SPATA31H1: variants seen among roughly 807,000 people sequenced by gnomAD.
SPATA31H1 encodes SPATA31 subfamily H member 1.
chr2:27,541,331 C>A, the SPATA31H1 span, among the ~76,000 whole-genome samples: 52 of 151,290 alleles, frequency 3.4e-4, no homozygotes, highest in Non-Finnish European at 6.2e-4. Context: ...CTGCAGTGAG[C>A]CGAGATGGCA....
chr2:27,576,462 T>C, the SPATA31H1 span: 30 of 786,474 alleles, frequency 3.8e-5, no homozygotes, highest in Middle Eastern at 3.3e-4. Flanking sequence ...GTCAACTCTA[T>C]GGCCACAACC....
At chr2:27,553,913 ACT>A in the SPATA31H1 span, among the ~76,000 whole-genome samples, 1 of 151,574 alleles carries the variant, frequency 6.6e-6, no homozygotes, top group Non-Finnish European at 1.5e-5. Flanking sequence ...CAAGAAAAAA[ACT>A]CTGTCTCAAA....
the SPATA31H1 span, among the ~76,000 whole-genome samples, chr2:27,544,651 C>T: frequency 6.6e-6 from 1 of 151,058 alleles, no homozygotes; most frequent in East Asian, 2.0e-4. Context: ...TCTCTTGGCT[C>T]AGCCTACCAA....
At chr2:27,538,706 C>T in the SPATA31H1 span, among the ~76,000 whole-genome samples, 1 of 152,190 alleles carries the variant, frequency 6.6e-6, no homozygotes, top group Admixed American at 6.5e-5. Context: ...TGGCGTGCAC[C>T]TGTAGTCTTA....
the SPATA31H1 span, among the ~76,000 whole-genome samples, chr2:27,550,539 C>A: frequency 6.7e-6 from 1 of 149,710 alleles, no homozygotes; most frequent in Non-Finnish European, 1.5e-5. Context: ...GTGCCTCAGT[C>A]TCCTGAGTAG....
the SPATA31H1 span, chr2:27,582,312 G>C: frequency 1.9e-6 from 3 of 1,614,160 alleles, no homozygotes; most frequent in Non-Finnish European, 2.5e-6. Context: ...CAGTCCCTCT[G>C]AGATGAGGCC....
the SPATA31H1 span, chr2:27,568,086 G>A: frequency 5.8e-5 from 23 of 398,882 alleles, no homozygotes; most frequent in Non-Finnish European, 7.5e-5. Flanking sequence ...TCAAGTCACA[G>A]ATAATAAGAA....
the SPATA31H1 span, among the ~76,000 whole-genome samples, chr2:27,539,101 C>CT: frequency 2.6e-3 from 245 of 94,520 alleles, no homozygotes; most frequent in East Asian, 6.6e-3. Flanking sequence ...TCATCATTTT[C>CT]TTTTTTTTTT....
the SPATA31H1 span, among the ~76,000 whole-genome samples, chr2:27,562,886 C>CAA: frequency 9.7e-5 from 12 of 123,914 alleles, no homozygotes; most frequent in Middle Eastern, 4.2e-3. Flanking sequence ...GATTCTGTCT[C>CAA]AAAAAAAAAA....
the SPATA31H1 span, chr2:27,571,486 C>G: frequency 2.5e-6 from 1 of 398,400 alleles, no homozygotes; most frequent in Non-Finnish European, 4.4e-6. Flanking sequence ...ACTCCATGTT[C>G]AAGAATTCAA....
chr2:27,540,001 T>C, the SPATA31H1 span, among the ~76,000 whole-genome samples: 8 of 121,634 alleles, frequency 6.6e-5, no homozygotes, highest in South Asian at 2.9e-4. Context: ...ACTGGGCGGC[T>C]GGCCGGGCGG....
chr2:27,539,518 A>G, the SPATA31H1 span, among the ~76,000 whole-genome samples: 24 of 120,556 alleles, frequency 2.0e-4, no homozygotes, highest in Non-Finnish European at 1.2e-4. Flanking sequence ...GTCTACTTCT[A>G]TCCACACAGA....
At chr2:27,580,984 T>A in the SPATA31H1 span, 12 of 1,613,970 alleles carry the variant, frequency 7.4e-6, no homozygotes, top group African/African-American at 1.3e-5. Flanking sequence ...ACTGCCTCAG[T>A]GGGGCAGCCT....
chr2:27,548,416 T>C, the SPATA31H1 span, among the ~76,000 whole-genome samples: 1 of 151,606 alleles, frequency 6.6e-6, no homozygotes, highest in African/African-American at 2.4e-5. Context: ...GAGATCAGCC[T>C]GGGCAACATG....
the SPATA31H1 span, among the ~76,000 whole-genome samples, chr2:27,561,492 T>G: frequency 3.9e-5 from 6 of 152,236 alleles, no homozygotes; most frequent in Admixed American, 6.5e-5. Context: ...TAAAATCTTC[T>G]TTTTCAGCAA....
the SPATA31H1 span, among the ~76,000 whole-genome samples, chr2:27,561,889 T>C: frequency 2.6e-5 from 4 of 152,286 alleles, no homozygotes; most frequent in East Asian, 7.7e-4. Flanking sequence ...TTTGTAGAGA[T>C]GGGGTTTCGT....
At chr2:27,555,847 G>T in the SPATA31H1 span, among the ~76,000 whole-genome samples, 2 of 151,600 alleles carry the variant, frequency 1.3e-5, no homozygotes, top group South Asian at 4.2e-4. Context: ...GACCCATTGT[G>T]TTAGGGCTGG....
the SPATA31H1 span, among the ~76,000 whole-genome samples, chr2:27,563,385 CTTTTTTTTTTTTT>C: frequency 4.4e-5 from 3 of 68,720 alleles, no homozygotes; most frequent in Non-Finnish European, 7.4e-5. Flanking sequence ...TCTTCTACTT[CTTTTTTTTTTTTT>C]TTTTTTTTTT....
At chr2:27,580,279 A>C in the SPATA31H1 span, 1 of 1,614,228 alleles carries the variant, frequency 6.2e-7, no homozygotes, top group East Asian at 2.2e-5. Flanking sequence ...AGGCGAGGAC[A>C]ACGCAGCAGG....
Sources: allele counts gnomAD v4.1 joint callset (sites outside exome capture counted in the v4.1 genomes callset), GRCh38; gene constraint gnomAD v4.1.1; transcripts MANE v1.5; gene names NCBI Gene and HGNC (gene_info 2026-07-23, HGNC 2026-07-21).